The following NAALADL2 variants were observed in gnomAD, a reference collection of about 807,000 sequenced individuals.
NAALADL2 encodes inactive N-acetylated-alpha-linked acidic dipeptidase-like protein 2.
NAALADL2 carries 76 observed loss-of-function variants against 87.2 expected under a neutral mutation model. The observed-to-expected ratio is 0.87, with a 90% CI of 0.72 to 1.05. The LOEUF is 1.05. Ranked by LOEUF, NAALADL2 falls within the 50% of genes least tolerant of loss-of-function variation. The probability of loss-of-function intolerance (pLI) is 0.00; values close to 1 mark genes in which losing one functional copy is unlikely to be tolerated. For synonymous variants in NAALADL2, 354 were observed against 331.0 expected (o/e 1.07, Z -0.75); for missense variants, 1,089 against 945.8 (o/e 1.15, Z -1.99).
intron 2 of NAALADL2, among the ~76,000 whole-genome samples, chr3:175,190,663 T>A (rs1738013309): frequency 6.6e-6 from 1 of 152,016 alleles, no homozygotes; most frequent in African/African-American, 2.4e-5. Context: ...AATAAAAAGA[T>A]GTGGGTCAGA....
At chr3:174,933,559 G>T (rs1287421530) in intron 1 of NAALADL2, among the ~76,000 whole-genome samples, 1 of 152,108 alleles carries the variant, frequency 6.6e-6, no homozygotes, top group Non-Finnish European at 1.5e-5. Flanking sequence ...ATCACAAAAA[G>T]TTTCTTTCTT....
intron 9 of NAALADL2, among the ~76,000 whole-genome samples, chr3:175,517,315 A>G (rs559784583): frequency 2.6e-4 from 39 of 152,318 alleles, no homozygotes; most frequent in African/African-American, 9.4e-4. Context: ...ATTATTTTTC[A>G]TGACATCATG....
chr3:175,506,184 T>A (rs1046316401), intron 9 of NAALADL2, among the ~76,000 whole-genome samples: 5 of 152,058 alleles, frequency 3.3e-5, no homozygotes, highest in Admixed American at 1.3e-4. Flanking sequence ...TAAAATAAAA[T>A]AAAATAAAAA....
At chr3:174,810,361 A>G (rs958370054) in intron 3 of NAALADL2, among the ~76,000 whole-genome samples, 2 of 152,132 alleles carry the variant, frequency 1.3e-5, no homozygotes, top group Admixed American at 6.6e-5. Flanking sequence ...ATATGAACAG[A>G]GATGGCCAGG....
chr3:174,478,381 C>G lies in NAALADL2; in HGVS notation c.-184+37349C>G, dbSNP rs573748195. On this transcript the variant is annotated intron_variant, in intron 1 of 3. Coordinates refer to the NAALADL2 transcript ENST00000434257. ...TGCTATCTTACATATTGTGCAAATACACAAATACCTAGAAACTATTTGCTA... is the reference window on the plus strand; with the variant it reads ...TGCTATCTTACATATTGTGCAAATAGACAAATACCTAGAAACTATTTGCTA... Among the ~76,000 whole-genome samples the G allele has an allele frequency of 2.6e-3, 399 of 152,172 alleles. 3 individuals carry two copies. Among genetic ancestry groups the G allele is most frequent in the African/African-American group, 9.0e-3 (376 of 41,550 alleles).
intron 2 of NAALADL2, among the ~76,000 whole-genome samples, chr3:174,693,760 G>T (rs1014498861): frequency 1.8e-4 from 27 of 152,036 alleles, no homozygotes; most frequent in African/African-American, 6.5e-4. Flanking sequence ...AAGTTAATGT[G>T]GCATGGATAA....
intron 12 of NAALADL2, among the ~76,000 whole-genome samples, chr3:175,752,808 T>C (rs1188363637): frequency 1.3e-5 from 2 of 152,180 alleles, no homozygotes; most frequent in African/African-American, 4.8e-5. Flanking sequence ...TAATGTACTT[T>C]AGATCAGAAC....
intron 5 of NAALADL2, among the ~76,000 whole-genome samples, chr3:175,356,886 C>T (rs1005351674): frequency 5.9e-5 from 9 of 151,946 alleles, no homozygotes; most frequent in Non-Finnish European, 1.0e-4. Flanking sequence ...TGAACATGTT[C>T]GTATAATTAC....
chr3:175,140,195 GATTAA>G (rs2108716557), intron 2 of NAALADL2, among the ~76,000 whole-genome samples: 1 of 152,254 alleles, frequency 6.6e-6, no homozygotes, highest in East Asian at 1.9e-4. Flanking sequence ...TAGTTGTGAA[GATTAA>G]ATTAAATGCT....
At chr3:174,693,250 G>T (rs1419569389) in intron 2 of NAALADL2, among the ~76,000 whole-genome samples, 2 of 152,038 alleles carry the variant, frequency 1.3e-5, no homozygotes, top group African/African-American at 4.8e-5. Context: ...ATGAAAACCT[G>T]TTTTATGACA....
intron 9 of NAALADL2, among the ~76,000 whole-genome samples, chr3:175,565,829 CTTTTTT>C (rs34325475): frequency 2.6e-5 from 3 of 114,818 alleles, no homozygotes; most frequent in Non-Finnish European, 5.0e-5. Flanking sequence ...AGCCCCCCCC[CTTTTTT>C]TTTTTTTTTT....
chr3:175,446,815 C>G (rs1720780795), intron 5 of NAALADL2, among the ~76,000 whole-genome samples: 1 of 152,172 alleles, frequency 6.6e-6, no homozygotes, highest in Non-Finnish European at 1.5e-5. Context: ...TTCTCAGCTT[C>G]CCTACTAAGA....
At chr3:174,522,206 A>C (rs1438771531) in intron 1 of NAALADL2, among the ~76,000 whole-genome samples, 1 of 152,246 alleles carries the variant, frequency 6.6e-6, no homozygotes, top group Non-Finnish European at 1.5e-5. Flanking sequence ...TGGTATTAAC[A>C]TAGCCAAAAA....
intron 1 of NAALADL2, among the ~76,000 whole-genome samples, chr3:174,508,713 C>T (rs1164198256): frequency 1.3e-5 from 2 of 152,044 alleles, no homozygotes; most frequent in Non-Finnish European, 2.9e-5. Context: ...CATTCCTAAA[C>T]ATTTCATATT....
chr3:175,766,941 A>T (rs1748775105), intron 13 of NAALADL2, among the ~76,000 whole-genome samples: 1 of 152,188 alleles, frequency 6.6e-6, no homozygotes. Context: ...AGTATAGCAT[A>T]TTGAGATGAA....
At chr3:174,997,708 T>C (rs999990254) in intron 1 of NAALADL2, among the ~76,000 whole-genome samples, 3 of 151,650 alleles carry the variant, frequency 2.0e-5, no homozygotes, top group African/African-American at 7.3e-5. Context: ...CCTAGTTACT[T>C]AGGAGGCTGA....
At chr3:174,921,951 AG>A (rs1735292472) in intron 1 of NAALADL2, among the ~76,000 whole-genome samples, 2 of 152,062 alleles carry the variant, frequency 1.3e-5, no homozygotes, top group South Asian at 4.1e-4. Flanking sequence ...TTTATTTATT[AG>A]TACCTGTTCT....
chr3:175,200,739 T>C (rs571106018), intron 2 of NAALADL2, among the ~76,000 whole-genome samples: 40 of 152,234 alleles, frequency 2.6e-4, no homozygotes, highest in African/African-American at 9.6e-4. Context: ...TAACATTCCT[T>C]ACCCAAGTTA....
At chr3:175,705,196 G>A (rs1739511181) in intron 11 of NAALADL2, among the ~76,000 whole-genome samples, 1 of 152,046 alleles carries the variant, frequency 6.6e-6, no homozygotes, top group Admixed American at 6.6e-5. Flanking sequence ...TCCAGCTGTA[G>A]GGTTCATTTT....
Sources: allele counts gnomAD v4.1 joint callset (sites outside exome capture counted in the v4.1 genomes callset), GRCh38; gene constraint gnomAD v4.1.1; transcripts MANE v1.5; gene names NCBI Gene and HGNC (gene_info 2026-07-23, HGNC 2026-07-21).